FTCDNL1: variants seen among roughly 807,000 people sequenced by gnomAD.
The protein encoded by FTCDNL1 is formiminotransferase cyclodeaminase N-terminal like.
A neutral mutation model predicts 5.9 loss-of-function variants in FTCDNL1; 11 were observed. The observed-to-expected ratio is 1.87, with a 90% CI of 1.18 to 3.10. The LOEUF is 3.10. Among genes scored for constraint, FTCDNL1 ranks in the 30% most tolerant of loss-of-function variants. The pLI, the probability that FTCDNL1 is intolerant of heterozygous loss-of-function variation, is 0.00. For synonymous variants in FTCDNL1, 58 were observed against 24.8 expected (o/e 2.34, Z -3.99); for missense variants, 115 against 65.5 (o/e 1.76, Z -2.61).
the FTCDNL1 span, among the ~76,000 whole-genome samples, chr2:199,683,081 C>T: frequency 6.6e-6 from 1 of 152,206 alleles, no homozygotes; most frequent in Non-Finnish European, 1.5e-5. Flanking sequence ...CACTGTACAA[C>T]TCCATTCAGG....
chr2:199,704,710 C>A, the FTCDNL1 span, among the ~76,000 whole-genome samples: 1 of 152,022 alleles, frequency 6.6e-6, no homozygotes, highest in Non-Finnish European at 1.5e-5. Context: ...CAAAAGAATG[C>A]ACAACTCTTC....
At chr2:199,786,178 A>G (rs1238092611) in intron 3 of FTCDNL1, among the ~76,000 whole-genome samples, 1 of 151,658 alleles carries the variant, frequency 6.6e-6, no homozygotes, top group Non-Finnish European at 1.5e-5. Context: ...GTCCTAAACA[A>G]CTTTGTGTTC....
chr2:199,826,513 G>A (rs930327947), intron 3 of FTCDNL1, among the ~76,000 whole-genome samples: 6 of 150,122 alleles, frequency 4.0e-5, no homozygotes, highest in African/African-American at 1.5e-4. Context: ...AAAAAGAATA[G>A]GTTGGGTGCG....
chr2:199,703,074 C>T, the FTCDNL1 span, among the ~76,000 whole-genome samples: 1 of 151,940 alleles, frequency 6.6e-6, no homozygotes, highest in African/African-American at 2.4e-5. Flanking sequence ...TATTATTATA[C>T]TTTAAGTTTT....
chr2:199,746,527 G>A, the FTCDNL1 span, among the ~76,000 whole-genome samples: 6 of 151,832 alleles, frequency 4.0e-5, no homozygotes, highest in Non-Finnish European at 8.8e-5. Flanking sequence ...TGAGGAGGTC[G>A]GCATCTAGTA....
the FTCDNL1 span, among the ~76,000 whole-genome samples, chr2:199,748,001 A>G: frequency 6.6e-6 from 1 of 152,138 alleles, no homozygotes; most frequent in Non-Finnish European, 1.5e-5. Flanking sequence ...TACTTTTACA[A>G]TGTCCTTATT....
At chr2:199,848,555 C>G (rs1574711046) in intron 2 of FTCDNL1, among the ~76,000 whole-genome samples, 1 of 152,204 alleles carries the variant, frequency 6.6e-6, no homozygotes, top group East Asian at 1.9e-4. Context: ...ACATCCTCCC[C>G]AGGAGCCTGT....
the FTCDNL1 span, among the ~76,000 whole-genome samples, chr2:199,673,807 GTTAATA>G: frequency 1.3e-5 from 2 of 151,072 alleles, no homozygotes; most frequent in Non-Finnish European, 2.9e-5. Context: ...AAACCATATT[GTTAATA>G]TTAATATGGA....
chr2:199,734,109 G>T, the FTCDNL1 span, among the ~76,000 whole-genome samples: 1 of 152,098 alleles, frequency 6.6e-6, no homozygotes, highest in African/African-American at 2.4e-5. Context: ...TTTTACTTGA[G>T]GTAAGATCTA....
chr2:199,737,226 T>G, the FTCDNL1 span, among the ~76,000 whole-genome samples: 4 of 152,194 alleles, frequency 2.6e-5, no homozygotes, highest in Admixed American at 1.3e-4. Context: ...AGTCTATAAT[T>G]TGGGCATAAT....
At chr2:199,677,262 T>C in the FTCDNL1 span, among the ~76,000 whole-genome samples, 1 of 152,184 alleles carries the variant, frequency 6.6e-6, no homozygotes, top group Admixed American at 6.5e-5. Context: ...TGTTACAGAA[T>C]AAAACCAAGC....
the FTCDNL1 span, among the ~76,000 whole-genome samples, chr2:199,686,251 A>AC: frequency 1.3e-5 from 2 of 152,300 alleles, no homozygotes; most frequent in African/African-American, 4.8e-5. Context: ...AATGATACTT[A>AC]CACCACTACA....
intron 3 of FTCDNL1, among the ~76,000 whole-genome samples, chr2:199,830,032 A>C (rs1045942367): frequency 1.3e-5 from 2 of 152,148 alleles, no homozygotes; most frequent in African/African-American, 4.8e-5. Context: ...CCTGAGACTC[A>C]AATCAAGTAG....
At position 199,819,595 on chromosome 2, in the gene FTCDNL1, G is replaced by C. The variant is rs1417621097; in HGVS notation, c.374C>G (p.Pro125Arg). ...SALQPDLGAA[P>R]SQRCGLTACF... ...ACCTGTTAAACCACATCTTTGGGAA[G>C]GGGCAGCTCCCAGGTCAGGCTGAAG... Residue 125 changes from proline to arginine, a missense_variant, in exon 4 of 5, where the codon CCT becomes CGT. Coordinates refer to ENST00000420128, the MANE Select transcript of FTCDNL1 (RefSeq NM_001363886.2). The C allele has an allele frequency of 1.4e-6, 1 of 701,874 alleles. No individual in the cohort carries two copies. 43.5% of individuals were successfully genotyped at this position (701,874 alleles called of 1,614,324 possible).
At chr2:199,805,004 T>C (rs2106419230), downstream of FTCDNL1, among the ~76,000 whole-genome samples, 1 of 152,218 alleles carries the variant, frequency 6.6e-6, no homozygotes, top group Non-Finnish European at 1.5e-5. Context: ...CTCAGGCGTC[T>C]GAGGAAGGTG....
At chr2:199,768,465 T>A (rs1698642089) in intron 3 of FTCDNL1, among the ~76,000 whole-genome samples, 1 of 152,354 alleles carries the variant, frequency 6.6e-6, no homozygotes, top group East Asian at 1.9e-4. Flanking sequence ...CTCAATGCCT[T>A]TCTGAAGAAA....
At chr2:199,847,427 A>T (rs1465048181) in intron 2 of FTCDNL1, among the ~76,000 whole-genome samples, 4 of 152,208 alleles carry the variant, frequency 2.6e-5, no homozygotes, top group Non-Finnish European at 5.9e-5. Flanking sequence ...ACGAGATATG[A>T]TGTAATTTTT....
chr2:199,735,991 A>G, the FTCDNL1 span, among the ~76,000 whole-genome samples: 6 of 152,154 alleles, frequency 3.9e-5, no homozygotes, highest in Admixed American at 6.5e-5. Flanking sequence ...TTCTTTGAAA[A>G]TGTTTCAAGA....
the FTCDNL1 span, among the ~76,000 whole-genome samples, chr2:199,668,724 C>A: frequency 6.6e-6 from 1 of 152,060 alleles, no homozygotes. Flanking sequence ...TATATGCTTT[C>A]TGAAGTAGTC....
Sources: allele counts gnomAD v4.1 joint callset (sites outside exome capture counted in the v4.1 genomes callset), GRCh38; gene constraint gnomAD v4.1.1; transcripts MANE v1.5; gene names NCBI Gene and HGNC (gene_info 2026-07-23, HGNC 2026-07-21).